PKIA: variants seen among roughly 807,000 people sequenced by gnomAD.
The protein encoded by PKIA is cAMP-dependent protein kinase inhibitor alpha, also known as PKI-alpha.
PKIA carries 4 observed loss-of-function variants against 7.6 expected under a neutral mutation model. The ratio of observed to expected loss-of-function variants is 0.52; its 90% CI spans 0.26 to 1.20. The LOEUF is 1.20. Ranked by LOEUF, PKIA falls within the 50% of genes most tolerant of loss-of-function variation. PKIA has a pLI of 0.13. For missense variants in PKIA, 73 were observed against 86.2 expected (o/e 0.85, Z 0.61); for synonymous variants, 21 against 30.7 (o/e 0.68, Z 1.04).
Position 78,523,989 on chromosome 8 carries a change from T to C in PKIA, c.-157+7521T>C, listed in dbSNP as rs555408884. 9.7e-3 allele frequency among the ~76,000 whole-genome samples: 1,258 copies of C among 129,368 alleles called. 60 individuals carry two copies. Among genetic ancestry groups the C allele is most frequent in the African/African-American group, 0.02 (705 of 35,234 alleles). The allele number at this position is 129,368 out of a possible 152,430, so 84.9% of individuals were successfully genotyped here. A position where few individuals can be genotyped will look rare whatever the true frequency, so the allele number is the denominator to read the frequency against. On this transcript the variant is annotated intron_variant, in intron 1 of 3. Coordinates refer to ENST00000396418, the MANE Select transcript of PKIA (RefSeq NM_006823.4). ...ATATAAACATTTATATTTATAAATA[T>C]ATATAAACATTTATATATAAATATA...
At chr8:78,578,783 T>C (rs1035558577) in intron 2 of PKIA, among the ~76,000 whole-genome samples, 1 of 151,912 alleles carries the variant, frequency 6.6e-6, no homozygotes, top group African/African-American at 2.4e-5. Flanking sequence ...TTCTTGGCCC[T>C]CTACGGTTTT....
chr8:78,595,368 G>A (rs371136140), intron 2 of PKIA, among the ~76,000 whole-genome samples: 59 of 152,154 alleles, frequency 3.9e-4, no homozygotes, highest in Non-Finnish European at 6.6e-4. Context: ...TGGCTGTGAC[G>A]AGGGGAGAGA....
intron 1 of PKIA, among the ~76,000 whole-genome samples, chr8:78,563,276 A>G (rs566658790): frequency 5.3e-5 from 8 of 152,288 alleles, no homozygotes; most frequent in Admixed American, 5.2e-4. Context: ...TACAAGATGT[A>G]TAAGTTTATA....
intron 1 of PKIA, among the ~76,000 whole-genome samples, chr8:78,564,408 T>C (rs1585902968): frequency 6.6e-6 from 1 of 151,964 alleles, no homozygotes; most frequent in Non-Finnish European, 1.5e-5. Flanking sequence ...ATTAGTATTT[T>C]AAATATATAT....
At chr8:78,587,290 G>A (rs545353407) in intron 2 of PKIA, among the ~76,000 whole-genome samples, 2 of 152,238 alleles carry the variant, frequency 1.3e-5, no homozygotes, top group Admixed American at 6.5e-5. Flanking sequence ...AATTTGGCAA[G>A]TATTATATAA....
chr8:78,574,207 A>G (rs769863978), intron 2 of PKIA, among the ~76,000 whole-genome samples: 3 of 152,038 alleles, frequency 2.0e-5, no homozygotes, highest in Non-Finnish European at 4.4e-5. Flanking sequence ...TTGTATAATG[A>G]TCAAATCAGG....
chr8:78,582,588 T>C (rs1480785775), intron 2 of PKIA, among the ~76,000 whole-genome samples: 2 of 152,152 alleles, frequency 1.3e-5, no homozygotes, highest in African/African-American at 2.4e-5. Context: ...TCAATGTTTT[T>C]GTTTTCTTTT....
At chr8:78,532,949 A>G (rs1806430245) in intron 1 of PKIA, among the ~76,000 whole-genome samples, 1 of 152,024 alleles carries the variant, frequency 6.6e-6, no homozygotes, top group Non-Finnish European at 1.5e-5. Context: ...ATACAAAGCA[A>G]TGGTGCCCAC....
rs1183969676 is a variant in PKIA, at chr8:78,605,027, G to A, written c.*3206G>A. The A allele has an allele frequency of 6.6e-6, 1 of 151,946 alleles. No homozygotes were observed. The highest frequency in any genetic ancestry group is 2.4e-5 in the African/African-American group (1 of 41,396). The allele number at this position is 151,946 out of a possible 1,614,324, so 9.4% of individuals were successfully genotyped here. On this transcript the variant is annotated 3_prime_UTR_variant, in exon 4 of 4. Coordinates refer to ENST00000396418, the MANE Select transcript of PKIA (RefSeq NM_006823.4). ...ATGGATAAAGAAATGTAACTGCCGG[G>A]CAGCAAAGCTTCTAAGTGAAACCTG...
intron 1 of PKIA, among the ~76,000 whole-genome samples, chr8:78,571,739 ATTC>A (rs2118557262): frequency 6.6e-6 from 1 of 152,148 alleles, no homozygotes; most frequent in East Asian, 1.9e-4. Context: ...TTGAATTCAA[ATTC>A]TTCTCTCAGG....
At chr8:78,560,015 T>C (rs1807246071) in intron 1 of PKIA, among the ~76,000 whole-genome samples, 1 of 152,234 alleles carries the variant, frequency 6.6e-6, no homozygotes, top group South Asian at 2.1e-4. Flanking sequence ...TATGCTACTT[T>C]CATGCATATT....
At chr8:78,523,527 A>G (rs1423014297) in intron 1 of PKIA, among the ~76,000 whole-genome samples, 1 of 151,876 alleles carries the variant, frequency 6.6e-6, no homozygotes, top group East Asian at 1.9e-4. Flanking sequence ...TACATTCCTC[A>G]CTTATATACT....
chr8:78,589,388 G>A (rs1808038267), intron 2 of PKIA, among the ~76,000 whole-genome samples: 1 of 152,148 alleles, frequency 6.6e-6, no homozygotes, highest in Non-Finnish European at 1.5e-5. Flanking sequence ...AATTATAAAA[G>A]TATTTTCTAA....
chr8:78,603,968 T>C lies in PKIA; in HGVS notation c.*2147T>C, dbSNP rs1476262759. 1.3e-5 allele frequency: 2 copies of C among 152,048 alleles called. No homozygotes were observed. Among genetic ancestry groups the C allele is most frequent in the East Asian group, 1.9e-4 (1 of 5,192 alleles). The allele number at this position is 152,048 out of a possible 1,614,324, so 9.4% of individuals were successfully genotyped here. Reference sequence around the variant, plus strand: ...GGAGCTTTGGATTTAGTTTGACTTCTTACTACTGCTTTGTCTGCTATATTC... The same window carrying C: ...GGAGCTTTGGATTTAGTTTGACTTCCTACTACTGCTTTGTCTGCTATATTC... On this transcript the variant is annotated 3_prime_UTR_variant, in exon 4 of 4. Coordinates refer to ENST00000396418, the MANE Select transcript of PKIA (RefSeq NM_006823.4).
intron 1 of PKIA, among the ~76,000 whole-genome samples, chr8:78,541,372 T>C (rs112988957): frequency 2.4e-4 from 36 of 152,118 alleles, no homozygotes; most frequent in African/African-American, 7.9e-4. Context: ...ATGAGGGAAA[T>C]GAAAGGCAGA....
intron 1 of PKIA, among the ~76,000 whole-genome samples, chr8:78,570,032 C>T (rs776336603): frequency 6.6e-6 from 1 of 152,118 alleles, no homozygotes; most frequent in East Asian, 1.9e-4. Flanking sequence ...AACTCAGGAA[C>T]CTGTGGAACG....
At chr8:78,542,274 T>C (rs1041893055) in intron 1 of PKIA, among the ~76,000 whole-genome samples, 1 of 152,158 alleles carries the variant, frequency 6.6e-6, no homozygotes, top group African/African-American at 2.4e-5. Context: ...GGAAGTACTA[T>C]GGCCCTCTCT....
intron 2 of PKIA, among the ~76,000 whole-genome samples, chr8:78,584,016 GGATTT>G (rs1807884897): frequency 6.6e-6 from 1 of 151,956 alleles, no homozygotes; most frequent in Non-Finnish European, 1.5e-5. Context: ...AATTTCCTAA[GGATTT>G]CTATAAGACT....
At chr8:78,524,483 A>G (rs1033884536) in intron 1 of PKIA, among the ~76,000 whole-genome samples, 1 of 151,648 alleles carries the variant, frequency 6.6e-6, no homozygotes, top group Non-Finnish European at 1.5e-5. Flanking sequence ...AGTCAAGCTG[A>G]GATAAAATGG....
Sources: gnomAD v4.1 joint callset for allele counts (sites outside exome capture counted in the v4.1 genomes callset) on GRCh38, gnomAD v4.1.1 for gene constraint, MANE v1.5 for transcripts, NCBI Gene and HGNC (gene_info 2026-07-23, HGNC 2026-07-21) for gene names.